Variants in MERTK observed in about 807,000 individuals in gnomAD.
The protein encoded by MERTK is tyrosine-protein kinase Mer.
MERTK carries 69 observed loss-of-function variants against 99.3 expected under a neutral mutation model. The observed-to-expected ratio is 0.70, with a 90% CI of 0.57 to 0.85. The LOEUF is 0.85. MERTK is among the 40% of genes least tolerant of loss of function. The pLI, the probability that MERTK is intolerant of heterozygous loss-of-function variation, is 0.00. For synonymous variants in MERTK, 426 were observed against 467.6 expected, an observed-to-expected ratio of 0.91 and a Z score of 1.15; for missense variants, 1,125 against 1,249.4, an observed-to-expected ratio of 0.90 and a Z score of 1.50.
Position 112,028,993 on chromosome 2 carries a change from G to T in MERTK, c.*129G>T. Reference sequence around the variant, plus strand: ...ACTCCATGGCCCCAAAGCACCAGATGAATGTTGTTAAGTAAGCTGTCATTA... The same window carrying T: ...ACTCCATGGCCCCAAAGCACCAGATTAATGTTGTTAAGTAAGCTGTCATTA... On this transcript the variant is annotated 3_prime_UTR_variant, in exon 19 of 19. Transcript: ENST00000295408. 6.4e-7 allele frequency: 1 copy of T among 1,566,928 alleles called. No homozygotes were observed. The highest frequency in any genetic ancestry group is 8.7e-7 in the Non-Finnish European group (1 of 1,155,566).
intron 1 of MERTK, among the ~76,000 whole-genome samples, chr2:111,925,292 A>ATATATATATATATATATATATT (rs372747015): frequency 1.2e-4 from 3 of 24,496 alleles, no homozygotes; most frequent in Non-Finnish European, 1.5e-4. Flanking sequence ...ATATATATAT[A>ATATATATATATATATATATATT]TTTTTTTTTT....
intron 18 of MERTK, among the ~76,000 whole-genome samples, chr2:112,027,275 A>G (rs1161147183): frequency 2.0e-5 from 3 of 151,412 alleles, no homozygotes; most frequent in African/African-American, 7.3e-5. Flanking sequence ...GTGTATATAT[A>G]TGCCATATAT....
chr2:112,016,151 C>G (rs2104418752), intron 15 of MERTK, among the ~76,000 whole-genome samples: 1 of 152,264 alleles, frequency 6.6e-6, no homozygotes, highest in East Asian at 1.9e-4. Context: ...GGTTTCATTG[C>G]CCTTCCACTG....
chr2:111,974,347 A>G (rs1290721971), intron 6 of MERTK, among the ~76,000 whole-genome samples: 1 of 151,906 alleles, frequency 6.6e-6, no homozygotes, highest in Non-Finnish European at 1.5e-5. Flanking sequence ...AGGTCAAACC[A>G]TTGCACTCCA....
chr2:111,997,040 T>C, intron 9 of MERTK: 1 of 431,816 alleles, frequency 2.3e-6, no homozygotes, highest in Admixed American at 3.6e-5. Flanking sequence ...TTAAAATTAC[T>C]ATTTTTAATT....
At chr2:112,011,747 T>G (rs540091052) in intron 15 of MERTK, among the ~76,000 whole-genome samples, 34 of 152,080 alleles carry the variant, frequency 2.2e-4, no homozygotes, top group Non-Finnish European at 4.4e-4. Context: ...TGAGACTCCA[T>G]CTGAAAAAAA....
At chr2:111,940,501 A>G in intron 2 of MERTK, 1 of 588,392 alleles carries the variant, frequency 1.7e-6, no homozygotes, top group Non-Finnish European at 3.4e-6. Context: ...AGCAACAGGC[A>G]AGCCCTCTTT....
rs1676901111 is a variant in MERTK, at chr2:112,003,019, A to T, written c.1691-73A>T. On this transcript the variant is annotated intron_variant, in intron 11 of 18. Coordinates refer to ENST00000295408, the MANE Select transcript of MERTK (RefSeq NM_006343.3). Reference sequence around the variant, plus strand: ...GGAATGTTTTATTATACAGGACTTTATTTCATTTTAATTATCAAGTGAAAG... The same window carrying T: ...GGAATGTTTTATTATACAGGACTTTTTTTCATTTTAATTATCAAGTGAAAG... 3.9e-6 allele frequency: 3 copies of T among 771,140 alleles called. 1 individual carries two copies. Among genetic ancestry groups the T allele is most frequent in the African/African-American group, 1.7e-5 (1 of 58,446 alleles). 47.8% of individuals were successfully genotyped at this position (771,140 alleles called of 1,614,324 possible). A position where few individuals can be genotyped will look rare whatever the true frequency, so the allele number is the denominator to read the frequency against.
chr2:111,953,474 C>A (rs1685092031), intron 4 of MERTK, among the ~76,000 whole-genome samples: 1 of 152,156 alleles, frequency 6.6e-6, no homozygotes, highest in African/African-American at 2.4e-5. Context: ...GAAGTGAAGG[C>A]CTGGAGGAGT....
chr2:112,028,395 G>A lies in MERTK; in HGVS notation c.2531G>A (p.Arg844His), dbSNP rs746671363. Residue 844 changes from arginine (R) to histidine (H), a missense_variant, in exon 19 of 19, where the codon CGC becomes CAC. Arg to His is a conservative substitution (Grantham distance 29). Transcript: ENST00000295408. ...YSCWRTDPLD[R>H]PTFSVLRLQL... ...TGCTGGAGAACCGATCCCTTAGACC[G>A]CCCCACCTTTTCAGTATTGAGGCTG... 7.4e-6 allele frequency: 12 copies of A among 1,614,046 alleles called. No individual in the cohort carries two copies. Among genetic ancestry groups the A allele is most frequent in the Admixed American group, 3.3e-5 (2 of 60,014 alleles).
chr2:112,013,086 A>C (rs1396260698), intron 15 of MERTK, among the ~76,000 whole-genome samples: 1 of 151,886 alleles, frequency 6.6e-6, no homozygotes, highest in Non-Finnish European at 1.5e-5. Flanking sequence ...AGTGATCAGG[A>C]CAGGAGAGTG....
In MERTK at chr2:111,929,212, T is replaced by A; in HGVS notation, c.154T>A (p.Ser52Thr). Residue 52 changes from serine to threonine, a missense_variant, in exon 2 of 19, where the codon TCC (serine) becomes ACC (threonine). Ser to Thr is a moderately conservative substitution (Grantham distance 58). Coordinates refer to ENST00000295408, the MANE Select transcript of MERTK (RefSeq NM_006343.3). ...SLQTDHTPLL[S>T]LPHASGYQPA... ...GCAAACTGACCACACACCGCTGTTA[T>A]CCCTTCCTCACGCCAGTGGGTACCA... 1 of 1,614,186 alleles carries A rather than the reference T, an allele frequency of 6.2e-7. No individual in the cohort carries two copies. The highest frequency in any genetic ancestry group is 8.5e-7 in the Non-Finnish European group (1 of 1,180,036).
chr2:112,006,133 T>C (rs4511729), intron 13 of MERTK, among the ~76,000 whole-genome samples: 94,745 of 151,924 alleles, frequency 0.62, 29,956 homozygotes, highest in Middle Eastern at 0.69. Context: ...CCGCCCACCT[T>C]GGCCTCCCAA....
At chr2:111,914,007 G>A (rs955041720) in intron 1 of MERTK, among the ~76,000 whole-genome samples, 1 of 151,454 alleles carries the variant, frequency 6.6e-6, no homozygotes, top group African/African-American at 2.4e-5. Flanking sequence ...AATGGGGAAA[G>A]CAGATATCCT....
intron 13 of MERTK, among the ~76,000 whole-genome samples, chr2:112,005,881 T>C (rs1339540246): frequency 1.3e-5 from 2 of 152,134 alleles, no homozygotes; most frequent in Non-Finnish European, 2.9e-5. Context: ...GGCTGAAGTT[T>C]ATTTATTTTT....
chr2:111,945,325 C>T (rs1684944795), intron 3 of MERTK, among the ~76,000 whole-genome samples: 1 of 152,196 alleles, frequency 6.6e-6, no homozygotes, highest in South Asian at 2.1e-4. Context: ...CTTCCTTGTC[C>T]ACAGATTATT....
At chr2:111,905,872 T>G (rs2104660574) in intron 1 of MERTK, among the ~76,000 whole-genome samples, 1 of 152,232 alleles carries the variant, frequency 6.6e-6, no homozygotes, top group Non-Finnish European at 1.5e-5. Flanking sequence ...TTTCCATGAG[T>G]CTTGGAGGTG....
chr2:111,936,512 C>G (rs1684767445), intron 2 of MERTK, among the ~76,000 whole-genome samples: 1 of 152,090 alleles, frequency 6.6e-6, no homozygotes, highest in Non-Finnish European at 1.5e-5. Context: ...CCTAGGTGCC[C>G]TCTTGAGCTA....
At chr2:111,968,509 C>T (rs561546297) in intron 6 of MERTK, among the ~76,000 whole-genome samples, 4 of 151,972 alleles carry the variant, frequency 2.6e-5, no homozygotes. Context: ...ATCATGAGAC[C>T]AGGGAGAGTT....
Sources: gnomAD v4.1 joint callset for allele counts (sites outside exome capture counted in the v4.1 genomes callset) on GRCh38, gnomAD v4.1.1 for gene constraint, MANE v1.5 for transcripts, NCBI Gene and HGNC (gene_info 2026-07-23, HGNC 2026-07-21) for gene names.